The following FBXL17 variants were observed in gnomAD, a reference collection of about 807,000 sequenced individuals.
FBXL17 encodes the protein F-box/LRR-repeat protein 17.
A neutral mutation model predicts 66.2 loss-of-function variants in FBXL17; 22 were observed. The observed-to-expected ratio is 0.33, with a 90% CI of 0.24 to 0.47. The LOEUF (loss-of-function observed/expected upper bound fraction) is 0.47. FBXL17 is among the 20% of genes least tolerant of loss of function. The pLI, the probability that FBXL17 is intolerant of heterozygous loss-of-function variation, is 1.00. For synonymous variants in FBXL17, 474 were observed against 400.5 expected (o/e 1.18, Z -2.19); for missense variants, 878 against 948.2 (o/e 0.93, Z 0.97).
At chr5:108,137,424 C>A (rs1216709200) in intron 6 of FBXL17, among the ~76,000 whole-genome samples, 2 of 152,048 alleles carry the variant, frequency 1.3e-5, no homozygotes, top group Non-Finnish European at 2.9e-5. Context: ...CTCCTTATCT[C>A]CCCAACACCC....
chr5:108,375,574 C>T (rs1409813161), intron 1 of FBXL17, among the ~76,000 whole-genome samples: 4 of 151,868 alleles, frequency 2.6e-5, no homozygotes, highest in Admixed American at 6.6e-5. Flanking sequence ...TAAAAACTGA[C>T]TCAAAGGAAA....
At chr5:108,371,737 TAAATC>T (rs1354066151) in intron 1 of FBXL17, among the ~76,000 whole-genome samples, 2 of 152,028 alleles carry the variant, frequency 1.3e-5, no homozygotes, top group African/African-American at 4.8e-5. Flanking sequence ...ATTATGAAAA[TAAATC>T]AAATAAGAAT....
chr5:108,299,744 G>A lies in FBXL17; in HGVS notation c.1506+48655C>T, dbSNP rs1041411256. 3 of 984,904 alleles carry A rather than the reference G, an allele frequency of 3.0e-6. No homozygotes were observed. In the African/African-American group the frequency reaches 5.3e-5, roughly 17 times the overall value. The allele number at this position is 984,904 out of a possible 1,614,324, so 61.0% of individuals were successfully genotyped here. ...CCTAGGTAAGTTATCCACTCTGCAG[G>A]AGCTGATTGAAGCAGTGCATGTGAA... On this transcript the variant is annotated intron_variant, in intron 4 of 8. Transcript: ENST00000542267.
chr5:107,890,666 GA>G (rs35872433), intron 7 of FBXL17, among the ~76,000 whole-genome samples: 11,142 of 127,114 alleles, frequency 0.088, 486 homozygotes, highest in South Asian at 0.22. Context: ...CTTGTCTTAG[GA>G]AAAAAAAAAA....
intron 7 of FBXL17, among the ~76,000 whole-genome samples, chr5:107,961,766 T>C (rs1740172009): frequency 6.6e-6 from 1 of 152,194 alleles, no homozygotes; most frequent in Admixed American, 6.6e-5. Flanking sequence ...CATTTCAATG[T>C]GAGACAGCCT....
chr5:108,112,973 T>A (rs1178872260), intron 6 of FBXL17, among the ~76,000 whole-genome samples: 3 of 149,680 alleles, frequency 2.0e-5, no homozygotes, highest in Non-Finnish European at 4.5e-5. Context: ...ATATTCTTAA[T>A]TAATCTTTCT....
intron 7 of FBXL17, 117 bp from the exon 8 acceptor site, chr5:107,881,296 T>C: frequency 1.6e-6 from 1 of 625,998 alleles, no homozygotes. Flanking sequence ...TGTGTGTAAA[T>C]GAACGTTTTA....
intron 5 of FBXL17, among the ~76,000 whole-genome samples, chr5:108,196,468 G>A (rs765445507): frequency 6.6e-6 from 1 of 152,054 alleles, no homozygotes; most frequent in Non-Finnish European, 1.5e-5. Flanking sequence ...TTTATAATCT[G>A]GTCTAATTTA....
intron 7 of FBXL17, among the ~76,000 whole-genome samples, chr5:107,943,632 T>C (rs1751190015): frequency 6.6e-6 from 1 of 151,800 alleles, no homozygotes; most frequent in Non-Finnish European, 1.5e-5. Flanking sequence ...AGCTATCCTC[T>C]ACTCCACTGG....
At chr5:108,200,092 C>G (rs1753829027) in intron 5 of FBXL17, among the ~76,000 whole-genome samples, 1 of 152,054 alleles carries the variant, frequency 6.6e-6, no homozygotes, top group Non-Finnish European at 1.5e-5. Flanking sequence ...CACAGTCAGC[C>G]AACACAAGTT....
Position 107,861,624 on chromosome 5 carries a change from T to C in FBXL17, c.*96A>G, listed in dbSNP as rs1748123968. 1 of 1,165,234 alleles carries C rather than the reference T, an allele frequency of 8.6e-7. No homozygotes were observed. 72.2% of individuals were successfully genotyped at this position (1,165,234 alleles called of 1,614,324 possible). A position where few individuals can be genotyped will look rare whatever the true frequency, so the allele number is the denominator to read the frequency against. On this transcript the variant is annotated 3_prime_UTR_variant, in exon 9 of 9. Transcript: ENST00000542267. ...ACATACTTGAACACACACAGACAGG[T>C]GACAGTTAAAACCCTTCCGAGAGAT...
intron 4 of FBXL17, chr5:108,298,250 T>C: frequency 1.0e-6 from 1 of 984,626 alleles, no homozygotes; most frequent in Admixed American, 6.2e-5. Flanking sequence ...TATAGTCTTC[T>C]TGCTACTTCT....
intron 7 of FBXL17, among the ~76,000 whole-genome samples, chr5:107,891,550 A>G (rs911082092): frequency 9.2e-5 from 14 of 152,134 alleles, no homozygotes; most frequent in Non-Finnish European, 5.9e-5. Context: ...AGATGGAGAG[A>G]AGGGGTTGAA....
chr5:108,056,547 ATAAAG>A (rs1233135879), intron 6 of FBXL17, among the ~76,000 whole-genome samples: 9 of 152,256 alleles, frequency 5.9e-5, no homozygotes, highest in Admixed American at 1.3e-4. Flanking sequence ...TTACAAATAC[ATAAAG>A]TAGTCAACCC....
At chr5:108,219,928 C>CT in intron 5 of FBXL17, among the ~76,000 whole-genome samples, 2,380 of 37,448 alleles carry the variant, frequency 0.064, 104 homozygotes, top group East Asian at 0.24. Context: ...TTACTATTTC[C>CT]TTTTTTTTTT....
At chr5:108,241,131 T>C (rs1482990735) in intron 4 of FBXL17, among the ~76,000 whole-genome samples, 1 of 151,896 alleles carries the variant, frequency 6.6e-6, no homozygotes, top group Non-Finnish European at 1.5e-5. Context: ...TCCTGGAAAA[T>C]ATGACATTAC....
At chr5:108,250,612 AC>A (rs1172044633) in intron 4 of FBXL17, among the ~76,000 whole-genome samples, 1 of 152,010 alleles carries the variant, frequency 6.6e-6, no homozygotes, top group Non-Finnish European at 1.5e-5. Flanking sequence ...ATTCTGACAA[AC>A]TCTAGTGGCA....
At position 108,363,793 on chromosome 5, in the gene FBXL17, C is replaced by A. The variant is rs1580894848; in HGVS notation, c.1374+945G>T. ...TTAATCCAGTTCTTAATACATACACCTTTTTAAAATGTTTCATTGTGAAAA... is the reference window on the plus strand; with the variant it reads ...TTAATCCAGTTCTTAATACATACACATTTTTAAAATGTTTCATTGTGAAAA... On this transcript the variant is annotated intron_variant, in intron 3 of 8. Transcript: ENST00000542267. 5.9e-5 allele frequency among the ~76,000 whole-genome samples: 9 copies of A among 151,960 alleles called. No homozygotes were observed. In the South Asian group the frequency reaches 1.9e-3, roughly 31 times the overall value.
At chr5:108,137,320 TAGG>T (rs909756976) in intron 6 of FBXL17, among the ~76,000 whole-genome samples, 3 of 152,208 alleles carry the variant, frequency 2.0e-5, no homozygotes, top group African/African-American at 4.8e-5. Flanking sequence ...GTATTTTTTG[TAGG>T]AGGAGGTAAG....
Sources: gnomAD v4.1 joint callset for allele counts (sites outside exome capture counted in the v4.1 genomes callset) on GRCh38, gnomAD v4.1.1 for gene constraint, MANE v1.5 for transcripts, NCBI Gene and HGNC (gene_info 2026-07-23, HGNC 2026-07-21) for gene names.